Variants in IRF3 observed in about 807,000 individuals in gnomAD.
IRF3 encodes the protein interferon regulatory factor 3.
IRF3 carries 29 observed loss-of-function variants against 43.2 expected under a neutral mutation model. That is an observed-to-expected ratio of 0.67 (90% CI 0.50 to 0.91). The LOEUF (loss-of-function observed/expected upper bound fraction) is 0.91, where lower values mean the gene tolerates loss of function less well. Ranked by LOEUF, IRF3 falls within the 40% of genes least tolerant of loss-of-function variation. The pLI, the probability that IRF3 is intolerant of heterozygous loss-of-function variation, is 0.00. For missense variants in IRF3, 505 were observed against 559.1 expected (o/e 0.90, Z 0.98); for synonymous variants, 228 against 233.9 (o/e 0.97, Z 0.23).
Position 49,665,721 on chromosome 19 carries a change from CT to C in IRF3, c.-100del, listed in dbSNP as rs2122761611. 3 of 1,456,504 alleles carry C rather than the reference CT, an allele frequency of 2.1e-6. No homozygotes were observed. Among genetic ancestry groups the C allele is most frequent in the African/African-American group, 1.4e-5 (1 of 70,902 alleles). 90.2% of individuals were successfully genotyped at this position (1,456,504 alleles called of 1,614,324 possible). On this transcript the variant is annotated 5_prime_UTR_variant, in exon 1 of 8. Transcript: ENST00000377139. ...TCTCAAACTCGAGGCTGCGCACCCC[CT>C]TTCCCGTCAGCTGAGCTCTAGAGCG...
Position 49,664,803 on chromosome 19 carries a change from C to T in IRF3, c.36G>A (p.Leu12=). ...GTPKPRILPW[L]VSQLDLGQLE... ...GTTGCCCCAGGTCCAGCTGCGACAC[C>T]AGCCAGGGCAGGATCCGTGGCTTTG... The change falls in exon 2 of 8, where the codon CTG becomes CTA. Residue 12 remains leucine (L), a synonymous_variant. Transcript: ENST00000377139. 6.2e-7 allele frequency: 1 copy of T among 1,613,816 alleles called. No individual in the cohort carries two copies. The highest frequency in any genetic ancestry group is 8.5e-7 in the Non-Finnish European group (1 of 1,179,960).
rs112234580 is a variant in IRF3 at position 49,663,506 on chromosome 19, G to C, written c.174C>G (p.Ala58=). Residue 58 remains alanine, a synonymous_variant, in exon 3 of 8, where the codon GCC becomes GCG. Transcript: ENST00000377139. ...QEDFGIFQAW[A]EATGAYVPGR... is the part of the protein sequence containing the mutation. ...CGGGAACATATGCACCAGTGGCCTC[G>C]GCCCAGGCCTGGGGCAACAGTGGTG... 4 of 1,613,916 alleles carry C rather than the reference G, an allele frequency of 2.5e-6. No individual in the cohort carries two copies. Among genetic ancestry groups the C allele is most frequent in the Admixed American group, 3.3e-5 (2 of 60,020 alleles).
At position 49,663,243 on chromosome 19, in the gene IRF3, G is replaced by A. The variant is rs2081429858; in HGVS notation, c.353C>T (p.Ser118Phe). 2.5e-6 allele frequency: 4 copies of A among 1,614,048 alleles called. No homozygotes were observed. Among genetic ancestry groups the A allele is most frequent in the Non-Finnish European group, 3.4e-6 (4 of 1,180,036 alleles). The change falls in exon 4 of 8, where the codon TCC (serine) becomes TTC (phenylalanine). Residue 118 changes from serine (S) to phenylalanine (F), a missense_variant. Transcript: ENST00000377139. ...GGTGTCCGGAGAGGTGTCTGGCTGG[G>A]AAAAGTCCCCAACTCCTGTTGAGAA... ...EFVNSGVGDF[S>F]QPDTSPDTNG...
At chr19:49,660,918 C>G in intron 6 of IRF3, 90 bp from the exon 7 acceptor site, 2 of 1,457,582 alleles carry the variant, frequency 1.4e-6, no homozygotes, top group Non-Finnish European at 1.8e-6. Flanking sequence ...CACCACCTCC[C>G]CTGACCTAAG....
At chr19:49,660,361 G>C (rs189456905) in intron 7 of IRF3, among the ~76,000 whole-genome samples, 2 of 152,088 alleles carry the variant, frequency 1.3e-5, no homozygotes, top group Non-Finnish European at 2.9e-5. Flanking sequence ...AAACTCTATC[G>C]AACTGCGCAC....
At position 49,662,237 on chromosome 19, in the gene IRF3, G is replaced by C; in HGVS notation, c.693C>G (p.Ser231=). Reference sequence around the variant, plus strand: ...CAGGCAGCGTCCTGTCTCCCACTTCGGACCCCACCAGCCGCAGGCCCTCCG... The same window carrying C: ...CAGGCAGCGTCCTGTCTCCCACTTCCGACCCCACCAGCCGCAGGCCCTCCG... The part of the protein sequence containing the change: ...SCPEGLRLVG[S]EVGDRTLPGW... The change falls in exon 6 of 8, where the codon TCC becomes TCG. Residue 231 remains serine, a synonymous_variant. Transcript: ENST00000377139. The C allele has an allele frequency of 6.2e-7, 1 of 1,613,924 alleles. No homozygotes were observed.
chr19:49,660,027 A>ACACACACACACACCCC (rs57168131), intron 7 of IRF3, among the ~76,000 whole-genome samples, 194 bp from the exon 8 acceptor site: 5 of 74,716 alleles, frequency 6.7e-5, no homozygotes, highest in African/African-American at 4.9e-4. Flanking sequence ...ACACACACAC[A>ACACACACACACACCCC]CCCCCTGCTG....
chr19:49,661,031 C>T, intron 6 of IRF3: 1 of 578,370 alleles, frequency 1.7e-6, no homozygotes, highest in Non-Finnish European at 3.0e-6. Flanking sequence ...AGGCCACACC[C>T]CCAAGCCCCC....
Position 49,662,629 on chromosome 19 carries a change from CAAAA to C in IRF3, c.409-16_409-13del, listed in dbSNP as rs921778685. ...TCCAGAATGTCTTCCTGGAGGGAAA[CAAAA>C]AAAGAGAATCAGGCATTTCCATATC... On this transcript the variant is annotated splice_polypyrimidine_tract_variant and intron_variant, in intron 4 of 7. Transcript: ENST00000377139. 12 of 1,523,098 alleles carry C rather than the reference CAAAA, an allele frequency of 7.9e-6. No individual in the cohort carries two copies. The highest frequency in any genetic ancestry group is 7.4e-5 in the East Asian group (3 of 40,716). The allele number at this position is 1,523,098 out of a possible 1,614,324, so 94.3% of individuals were successfully genotyped here.
At chr19:49,664,616 G>C (rs767565027) in intron 2 of IRF3, 58 bp downstream of exon 2, 1 of 1,610,784 alleles carries the variant, frequency 6.2e-7, no homozygotes, top group Non-Finnish European at 8.5e-7. Flanking sequence ...CCCACTAGGA[G>C]TCCTTTCCGC....
chr19:49,663,636 A>G, intron 2 of IRF3, 122 bp from the exon 3 acceptor site: 1 of 919,594 alleles, frequency 1.1e-6, no homozygotes, highest in Non-Finnish European at 1.6e-6. Context: ...TAACTCTGCA[A>G]GGTCCATCCC....
rs546839482 is a variant in IRF3, at chr19:49,665,709, G to A, written c.-87C>T. On this transcript the variant is annotated 5_prime_UTR_variant, in exon 1 of 8. Transcript: ENST00000377139. Reference sequence around the variant, plus strand: ...GCTCCGGGTAGCTCTCAAACTCGAGGCTGCGCACCCCCTTTCCCGTCAGCT... The same window carrying A: ...GCTCCGGGTAGCTCTCAAACTCGAGACTGCGCACCCCCTTTCCCGTCAGCT... 711 of 1,395,156 alleles carry A rather than the reference G, an allele frequency of 5.1e-4. 2 individuals carry two copies. The highest frequency in any genetic ancestry group is 6.3e-4 in the Non-Finnish European group (655 of 1,039,338). The allele number at this position is 1,395,156 out of a possible 1,614,324, so 86.4% of individuals were successfully genotyped here. A position where few individuals can be genotyped will look rare whatever the true frequency, so the allele number is the denominator to read the frequency against.
At chr19:49,664,299 C>A in intron 2 of IRF3, 1 of 513,716 alleles carries the variant, frequency 1.9e-6, no homozygotes, top group Non-Finnish European at 3.5e-6. Context: ...TATACTAATT[C>A]GGTAGTTAGG....
At chr19:49,664,884 C>T (rs1376174920) in intron 1 of IRF3, 38 bp from the exon 2 acceptor site, 3 of 1,578,720 alleles carry the variant, frequency 1.9e-6, no homozygotes, top group Non-Finnish European at 2.6e-6. Context: ...CGACCGGCCT[C>T]CCCCGGACCC....
chr19:49,660,758 T>C lies in IRF3; in HGVS notation c.1053A>G (p.Ser351=). The C allele has an allele frequency of 6.2e-7, 1 of 1,610,882 alleles. No individual in the cohort carries two copies. Among genetic ancestry groups the C allele is most frequent in the Non-Finnish European group, 8.5e-7 (1 of 1,178,810 alleles). Residue 351 remains serine, a synonymous_variant, in exon 7 of 8, where the codon TCA becomes TCG. Transcript: ENST00000377139. ...RYALWFCVGE[S]WPQDQPWTKR... ...TGGTCCACGGCTGGTCCTGGGGCCA[T>C]GACTCCCCCACACAGAACCAGAGGG...
chr19:49,662,259 T>C lies in IRF3; in HGVS notation c.671A>G (p.Glu224Gly). Residue 224 changes from glutamate (E) to glycine (G), a missense_variant, in exon 6 of 8, where the codon GAG becomes GGG. By Grantham distance (98) the Glu-to-Gly change is moderately conservative (BLOSUM62 -2). Coordinates refer to ENST00000377139, the MANE Select transcript of IRF3 (RefSeq NM_001571.6). The part of the protein sequence containing the change: ...QVFQQTISCP[E>G]GLRLVGSEVG... The stretch of plus-strand genomic sequence containing the variant: ...TTCGGACCCCACCAGCCGCAGGCCC[T>C]CCGGGCAGGAGATGGTCTGCTGGAA... 1 of 1,613,936 alleles carries C rather than the reference T, an allele frequency of 6.2e-7. No homozygotes were observed. Among genetic ancestry groups the C allele is most frequent in the East Asian group, 2.2e-5 (1 of 44,888 alleles).
chr19:49,663,202 T>G lies in IRF3; in HGVS notation c.394A>C (p.Thr132Pro). The G allele has an allele frequency of 6.2e-7, 1 of 1,613,998 alleles. No homozygotes were observed. The highest frequency in any genetic ancestry group is 8.5e-7 in the Non-Finnish European group (1 of 1,179,916). ...TSPDTNGGGS[T>P]SDTQEDILDE... ...CACATTCTCACCTGGGTATCAGAAG[T>G]ACTGCCTCCACCATTGGTGTCCGGA... is the stretch of plus-strand genomic sequence containing the variant. Residue 132 changes from threonine to proline, a missense_variant, in exon 4 of 8, where the codon ACT becomes CCT. Coordinates refer to ENST00000377139, the MANE Select transcript of IRF3 (RefSeq NM_001571.6).
chr19:49,664,450 C>A, intron 2 of IRF3: 2 of 1,515,332 alleles, frequency 1.3e-6, no homozygotes, highest in Non-Finnish European at 1.8e-6. Flanking sequence ...AACCGGCTTT[C>A]CCGGTTTTAT....
chr19:49,659,640 G>A lies in IRF3; in HGVS notation c.*8C>T, dbSNP rs576101389. ...GGGGGTTGGAGGCACACCATGAGGA[G>A]CGAGGGCTCAGCTCTCCCCAGGGCC... is the stretch of plus-strand genomic sequence containing the variant. On this transcript the variant is annotated 3_prime_UTR_variant, in exon 8 of 8. Coordinates refer to ENST00000377139, the MANE Select transcript of IRF3 (RefSeq NM_001571.6). 2 of 1,609,788 alleles carry A rather than the reference G, an allele frequency of 1.2e-6. No homozygotes were observed. Among genetic ancestry groups the A allele is most frequent in the East Asian group, 2.2e-5 (1 of 44,706 alleles).
Sources: gnomAD v4.1 joint callset for allele counts (sites outside exome capture counted in the v4.1 genomes callset) on GRCh38, gnomAD v4.1.1 for gene constraint, MANE v1.5 for transcripts, NCBI Gene and HGNC (gene_info 2026-07-23, HGNC 2026-07-21) for gene names.